The following UBXN4 variants were observed in gnomAD, a reference collection of about 807,000 sequenced individuals.
The protein encoded by UBXN4 is UBX domain-containing protein 4.
A neutral mutation model predicts 66.2 loss-of-function variants in UBXN4; 35 were observed. That is an observed-to-expected ratio of 0.53 (90% CI 0.40 to 0.70). UBXN4 has a LOEUF of 0.70. Among genes scored for constraint, UBXN4 ranks in the 30% least tolerant of loss-of-function variants. The pLI, the probability that UBXN4 is intolerant of heterozygous loss-of-function variation, is 0.00. For synonymous variants in UBXN4, 203 were observed against 204.5 expected, an observed-to-expected ratio of 0.99 and a Z score of 0.06; for missense variants, 533 against 599.8, an observed-to-expected ratio of 0.89 and a Z score of 1.16.
intron 1 of UBXN4, among the ~76,000 whole-genome samples, chr2:135,747,276 A>C (rs1218489423): frequency 6.9e-6 from 1 of 144,486 alleles, no homozygotes; most frequent in Non-Finnish European, 1.5e-5. Context: ...TGAACCCGGG[A>C]GGCAGAGATT....
intron 9 of UBXN4, among the ~76,000 whole-genome samples, chr2:135,773,290 T>C (rs2077394687): frequency 1.3e-5 from 2 of 152,208 alleles, no homozygotes; most frequent in South Asian, 4.1e-4. Context: ...TCTCTCTCTC[T>C]TTTTAATTCT....
intron 5 of UBXN4, among the ~76,000 whole-genome samples, chr2:135,759,765 A>AT (rs2077303963): frequency 1.8e-5 from 1 of 55,120 alleles, no homozygotes; most frequent in East Asian, 4.6e-4. Context: ...TTCAATCCAG[A>AT]ATTTTTTTTT....
In UBXN4 at chr2:135,741,986, C is replaced by A. The variant is rs746134542; in HGVS notation, c.57C>A (p.Gly19=). 1.2e-6 allele frequency: 2 copies of A among 1,613,420 alleles called. No homozygotes were observed. The highest frequency in any genetic ancestry group is 8.5e-7 in the Non-Finnish European group (1 of 1,179,690). ...PAAIATAKRS[G]AVFVVFVAGD... ...CCATCGCGACGGCCAAAAGGAGCGGCGCGGTCTTCGTGGTGTTCGTGGCAG... is the reference window on the plus strand; with the variant it reads ...CCATCGCGACGGCCAAAAGGAGCGGAGCGGTCTTCGTGGTGTTCGTGGCAG... The change falls in exon 1 of 13, where the codon GGC becomes GGA. Residue 19 remains glycine (G), a synonymous_variant. Coordinates refer to ENST00000272638, the MANE Select transcript of UBXN4 (RefSeq NM_014607.4).
At chr2:135,776,199 A>G (rs1318918498) in intron 9 of UBXN4, 50 bp from the exon 10 acceptor site, 10 of 1,440,714 alleles carry the variant, frequency 6.9e-6, no homozygotes, top group Non-Finnish European at 9.7e-6. Flanking sequence ...TGATATTGTT[A>G]GAGAATATAT....
At chr2:135,760,312 C>T (rs549324759) in intron 5 of UBXN4, among the ~76,000 whole-genome samples, 2 of 152,090 alleles carry the variant, frequency 1.3e-5, no homozygotes, top group Admixed American at 1.3e-4. Flanking sequence ...GCACTGGTGG[C>T]CCCAGCTACT....
In UBXN4 at chr2:135,781,567, GACATATAAGT is replaced by G. The variant is rs1339593902; in HGVS notation, c.1389-1180_1389-1171del. ...TGTGTTTATGGATTCCATAGGTAAT[GACATATAAGT>G]ATTGTGATTGGGCTGCTTTGTCCTT... is the stretch of plus-strand genomic sequence containing the variant. On this transcript the variant is annotated intron_variant, in intron 12 of 12. Transcript: ENST00000272638. 1.2e-4 allele frequency among the ~76,000 whole-genome samples: 19 copies of G among 152,266 alleles called. No homozygotes were observed. In the East Asian group the frequency reaches 2.9e-3, roughly 23 times the overall value.
At chr2:135,761,580 G>A (rs945851348) in intron 5 of UBXN4, among the ~76,000 whole-genome samples, 1 of 152,124 alleles carries the variant, frequency 6.6e-6, no homozygotes, top group Admixed American at 6.5e-5. Context: ...TTTTACATCT[G>A]ACCTTTACCT....
chr2:135,778,433 G>T (rs543866267), intron 10 of UBXN4, among the ~76,000 whole-genome samples: 90 of 152,308 alleles, frequency 5.9e-4, no homozygotes, highest in Admixed American at 1.8e-3. Flanking sequence ...GCTGTCCATT[G>T]TACGTTCCTG....
Position 135,754,250 on chromosome 2 carries a change from T to C in UBXN4, c.306T>C (p.Leu102=), listed in dbSNP as rs1381797546. ...VIAGSVSADE[L]VTRIHKVRQM... ...CAGGAAGTGTTTCTGCAGATGAACT[T>C]GTTACAAGAATTCACAAGGTCCGAC... Residue 102 remains leucine, a synonymous_variant, in exon 4 of 13, where the codon CTT becomes CTC. Transcript: ENST00000272638. 2 of 1,613,948 alleles carry C rather than the reference T, an allele frequency of 1.2e-6. No individual in the cohort carries two copies. The highest frequency in any genetic ancestry group is 3.3e-5 in the Admixed American group (2 of 60,010).
intron 6 of UBXN4, among the ~76,000 whole-genome samples, chr2:135,765,663 C>G (rs1470927374): frequency 6.9e-6 from 1 of 144,150 alleles, no homozygotes; most frequent in African/African-American, 2.6e-5. Context: ...TTTTTTTCTT[C>G]TGATTCATTT....
At chr2:135,757,505 T>C (rs980448708) in intron 5 of UBXN4, among the ~76,000 whole-genome samples, 3 of 152,220 alleles carry the variant, frequency 2.0e-5, no homozygotes, top group African/African-American at 7.2e-5. Context: ...TTTAAAGTCT[T>C]TGTCTGACAG....
At position 135,770,847 on chromosome 2, in the gene UBXN4, A is replaced by G. The variant is rs1374070856; in HGVS notation, c.822+112A>G. The G allele has an allele frequency of 7.3e-5, 74 of 1,018,130 alleles. No individual in the cohort carries two copies. The East Asian group carries it at 2.4e-3, about 33-fold the overall frequency. 63.1% of individuals were successfully genotyped at this position (1,018,130 alleles called of 1,614,324 possible). On this transcript the variant is annotated intron_variant, in intron 8 of 12. Coordinates refer to ENST00000272638, the MANE Select transcript of UBXN4 (RefSeq NM_014607.4). ...AGATTTTAGTGACTCATAGACTACCAATCCTGAGCTTCCTTTTATTAGAAA... is the reference window on the plus strand; with the variant it reads ...AGATTTTAGTGACTCATAGACTACCGATCCTGAGCTTCCTTTTATTAGAAA...
intron 5 of UBXN4, among the ~76,000 whole-genome samples, chr2:135,759,383 A>G (rs1271314940): frequency 6.6e-6 from 1 of 152,036 alleles, no homozygotes; most frequent in African/African-American, 2.4e-5. Flanking sequence ...ACTTTTTTTC[A>G]GTTTGAGTTA....
chr2:135,753,213 G>A (rs1285257531), intron 2 of UBXN4, among the ~76,000 whole-genome samples: 3 of 150,326 alleles, frequency 2.0e-5, no homozygotes, highest in African/African-American at 2.4e-5. Flanking sequence ...TAGTAGAGAC[G>A]GGGTTTCGCC....
chr2:135,744,813 T>C (rs1283081454), intron 1 of UBXN4, among the ~76,000 whole-genome samples: 4 of 152,212 alleles, frequency 2.6e-5, no homozygotes, highest in Non-Finnish European at 4.4e-5. Context: ...AAATGAAAGA[T>C]ACCAGAGTTA....
At chr2:135,752,823 C>T (rs1402802805) in intron 2 of UBXN4, among the ~76,000 whole-genome samples, 9 of 151,668 alleles carry the variant, frequency 5.9e-5, no homozygotes, top group Non-Finnish European at 1.0e-4. Flanking sequence ...CAGGTTCAAG[C>T]GATTCTCTTG....
chr2:135,758,796 T>TTGG (rs1252667958), intron 5 of UBXN4, among the ~76,000 whole-genome samples: 1 of 152,194 alleles, frequency 6.6e-6, no homozygotes, highest in Non-Finnish European at 1.5e-5. Context: ...TCTCACTTTG[T>TTGG]TGGCCAGGCT....
intron 4 of UBXN4, among the ~76,000 whole-genome samples, chr2:135,754,904 C>T (rs776072033): frequency 6.6e-6 from 1 of 152,170 alleles, no homozygotes; most frequent in Non-Finnish European, 1.5e-5. Context: ...TCTGCCTCAG[C>T]CTCCCCAGTG....
intron 9 of UBXN4, among the ~76,000 whole-genome samples, chr2:135,775,703 T>C (rs1055926620): frequency 3.3e-5 from 5 of 152,168 alleles, no homozygotes; most frequent in African/African-American, 1.2e-4. Context: ...TGGAATTAGA[T>C]AATGTTGATA....
Sources: allele counts gnomAD v4.1 joint callset (sites outside exome capture counted in the v4.1 genomes callset), GRCh38; gene constraint gnomAD v4.1.1; transcripts MANE v1.5; gene names NCBI Gene and HGNC (gene_info 2026-07-23, HGNC 2026-07-21).